The following RAB3C variants were observed in gnomAD, a reference collection of about 807,000 sequenced individuals.
RAB3C encodes RAB3C, member RAS oncogene family, also known as ras-related protein Rab-3C.
A neutral mutation model predicts 26.4 loss-of-function variants in RAB3C; 17 were observed. That is an observed-to-expected ratio of 0.64 (90% CI 0.44 to 0.97). The LOEUF (loss-of-function observed/expected upper bound fraction) is 0.97, where lower values mean the gene tolerates loss of function less well. Among genes scored for constraint, RAB3C ranks in the 50% least tolerant of loss-of-function variants. RAB3C has a pLI of 0.00. For synonymous variants in RAB3C, 91 were observed against 95.9 expected, an observed-to-expected ratio of 0.95 and a Z score of 0.30; for missense variants, 242 against 281.9, an observed-to-expected ratio of 0.86 and a Z score of 1.01.
At chr5:58,758,908 A>G (rs544689374) in intron 3 of RAB3C, among the ~76,000 whole-genome samples, 8 of 151,990 alleles carry the variant, frequency 5.3e-5, no homozygotes, top group Admixed American at 4.6e-4. Flanking sequence ...GGTTTCCAGC[A>G]GCCTCATAAC....
chr5:58,836,065 C>T (rs1743740253), intron 4 of RAB3C, among the ~76,000 whole-genome samples: 1 of 152,094 alleles, frequency 6.6e-6, no homozygotes, highest in African/African-American at 2.4e-5. Flanking sequence ...TTTAAAATGC[C>T]TTTTATCATG....
At position 58,624,117 on chromosome 5, in the gene RAB3C, CTTG is replaced by C. The variant is rs201351918; in HGVS notation, c.252+6251_252+6253del. Among the ~76,000 whole-genome samples, 1,033 of 152,282 alleles carry C rather than the reference CTTG, an allele frequency of 6.8e-3. 4 individuals are homozygous for C. Among genetic ancestry groups the C allele is most frequent in the African/African-American group, 0.022 (921 of 41,560 alleles). ...TTAAGTAATTTAATTGAATCCAATA[CTTG>C]TTGGTGCCTACTGTGTGCCAGGCAC... On this transcript the variant is annotated intron_variant, in intron 2 of 4. Transcript: ENST00000282878.
intron 2 of RAB3C, among the ~76,000 whole-genome samples, chr5:58,676,343 A>C (rs1748225091): frequency 6.6e-6 from 1 of 152,026 alleles, no homozygotes; most frequent in Non-Finnish European, 1.5e-5. Flanking sequence ...TCTCTACTAA[A>C]AATGCAAAAA....
chr5:58,717,149 A>C (rs530182806), intron 2 of RAB3C, among the ~76,000 whole-genome samples: 2 of 152,240 alleles, frequency 1.3e-5, no homozygotes, highest in South Asian at 4.1e-4. Flanking sequence ...ATTAAGACAG[A>C]AACAAATCTC....
chr5:58,788,297 C>A (rs1467237778), intron 3 of RAB3C: 1 of 152,260 alleles, frequency 6.6e-6, no homozygotes. Context: ...CCAAAGATGG[C>A]TTTGTGTTTA....
At chr5:58,613,435 T>A (rs1746755980) in intron 1 of RAB3C, among the ~76,000 whole-genome samples, 1 of 152,098 alleles carries the variant, frequency 6.6e-6, no homozygotes, top group South Asian at 2.1e-4. Context: ...GATGAACACA[T>A]AAAATACATA....
At position 58,629,163 on chromosome 5, in the gene RAB3C, A is replaced by AT. The variant is rs1266546542; in HGVS notation, c.252+11300dup. On this transcript the variant is annotated intron_variant, in intron 2 of 4. Transcript: ENST00000282878. Reference sequence around the variant, plus strand: ...CTTTTGGTAATCTGGCAGGTGGTAGATTTTTTTAAATTTTTTTTGTTGGAG... The same window carrying AT: ...CTTTTGGTAATCTGGCAGGTGGTAGATTTTTTTTAAATTTTTTTTGTTGGAG... Among the ~76,000 whole-genome samples the AT allele has an allele frequency of 2.7e-5, 4 of 150,864 alleles. No individual in the cohort carries two copies. The East Asian group carries it at 7.9e-4, about 30-fold the overall frequency.
chr5:58,667,698 G>A (rs927263178), intron 2 of RAB3C, among the ~76,000 whole-genome samples: 2 of 152,096 alleles, frequency 1.3e-5, no homozygotes, highest in East Asian at 3.8e-4. Flanking sequence ...AATTCTGACA[G>A]TGGCCCCGTG....
rs1344459812 is a variant in RAB3C, at chr5:58,746,221, A to AGG, written c.371+20101_371+20102insGG. On this transcript the variant is annotated intron_variant, in intron 3 of 4. Coordinates refer to ENST00000282878, the MANE Select transcript of RAB3C (RefSeq NM_138453.4). ...TTTTGTTCCTTTGCTGAAGCAAAGG[A>AGG]AACTACCTCTCACTCCAGGCAAAAT... Among the ~76,000 whole-genome samples, 4 of 152,332 alleles carry AGG rather than the reference A, an allele frequency of 2.6e-5. No individual in the cohort carries two copies. The East Asian group carries it at 7.7e-4, about 29-fold the overall frequency.
chr5:58,672,545 C>G (rs1023284629), intron 2 of RAB3C, among the ~76,000 whole-genome samples: 1 of 152,170 alleles, frequency 6.6e-6, no homozygotes, highest in Admixed American at 6.5e-5. Context: ...AGGAATTAAA[C>G]TCTGAAAGGT....
At chr5:58,776,442 C>A (rs1742143388) in intron 3 of RAB3C, among the ~76,000 whole-genome samples, 1 of 152,082 alleles carries the variant, frequency 6.6e-6, no homozygotes, top group Admixed American at 6.6e-5. Context: ...CAAATAATAT[C>A]TCCATTCCGA....
upstream of RAB3C, chr5:58,582,346 T>A: frequency 1.0e-6 from 1 of 975,274 alleles, no homozygotes; most frequent in South Asian, 4.7e-5. Flanking sequence ...CGTAGAGCCC[T>A]AACCTCCTTT....
At position 58,851,429 on chromosome 5, in the gene RAB3C, AT is replaced by A; in HGVS notation, c.*81del. 1 of 1,128,502 alleles carries A rather than the reference AT, an allele frequency of 8.9e-7. No homozygotes were observed. The highest frequency in any genetic ancestry group is 1.3e-6 in the Non-Finnish European group (1 of 797,154). The allele number at this position is 1,128,502 out of a possible 1,614,324, so 69.9% of individuals were successfully genotyped here. On this transcript the variant is annotated 3_prime_UTR_variant, in exon 5 of 5. Coordinates refer to ENST00000282878, the MANE Select transcript of RAB3C (RefSeq NM_138453.4). ...ATTTGTAAATGGTCTATTAGCCTTC[AT>A]TTATACTGCCTAACAATTATTTGAA...
chr5:58,715,260 C>T (rs1749147102), intron 2 of RAB3C, among the ~76,000 whole-genome samples: 1 of 151,644 alleles, frequency 6.6e-6, no homozygotes, highest in South Asian at 2.1e-4. Context: ...ATACTACTAG[C>T]CTTTTCTCCA....
At chr5:58,745,254 C>T (rs1339741377) in intron 3 of RAB3C, among the ~76,000 whole-genome samples, 2 of 151,696 alleles carry the variant, frequency 1.3e-5, no homozygotes, top group African/African-American at 2.4e-5. Context: ...AAAAATTAGC[C>T]GGGCATAGTG....
In RAB3C at chr5:58,610,653, A is replaced by AT. The variant is rs200426328; in HGVS notation, c.25-6981dup. On this transcript the variant is annotated intron_variant, in intron 1 of 4. Coordinates refer to ENST00000282878, the MANE Select transcript of RAB3C (RefSeq NM_138453.4). ...CCTTCTAATTTCAAAGAATAATTGC[A>AT]TTTTTTTTTGGATAATTTACCCTAG... 3.0e-3 allele frequency among the ~76,000 whole-genome samples: 446 copies of AT among 150,672 alleles called. 1 individual carries two copies. The highest frequency in any genetic ancestry group is 9.6e-3 in the African/African-American group (394 of 41,070).
At chr5:58,743,525 A>G (rs1277272191) in intron 3 of RAB3C, among the ~76,000 whole-genome samples, 1 of 151,982 alleles carries the variant, frequency 6.6e-6, no homozygotes, top group African/African-American at 2.4e-5. Context: ...TTAAGCCCTC[A>G]TGCTTATGGT....
intron 2 of RAB3C, among the ~76,000 whole-genome samples, chr5:58,678,254 G>A (rs1259770048): frequency 6.6e-6 from 1 of 152,016 alleles, no homozygotes; most frequent in Non-Finnish European, 1.5e-5. Flanking sequence ...ACTAAGTTTT[G>A]GTGGCTAGGA....
At chr5:58,840,793 G>A (rs1056799881) in intron 4 of RAB3C, among the ~76,000 whole-genome samples, 12 of 152,134 alleles carry the variant, frequency 7.9e-5, no homozygotes, top group Non-Finnish European at 1.6e-4. Flanking sequence ...TGGCTTTGTA[G>A]GATTGGGGTT....
Sources: allele counts gnomAD v4.1 joint callset (sites outside exome capture counted in the v4.1 genomes callset), GRCh38; gene constraint gnomAD v4.1.1; transcripts MANE v1.5; gene names NCBI Gene and HGNC (gene_info 2026-07-23, HGNC 2026-07-21).